Variants in CSMD1 observed in about 807,000 individuals in gnomAD.
CSMD1 encodes CUB and Sushi multiple domains 1.
CSMD1 carries 213 observed loss-of-function variants against 417.5 expected under a neutral mutation model. The ratio of observed to expected loss-of-function variants is 0.51; its 90% CI spans 0.46 to 0.57. The LOEUF is 0.57. CSMD1 is among the 20% of genes least tolerant of loss of function. The probability of loss-of-function intolerance (pLI) is 0.00; values close to 1 mark genes in which losing one functional copy is unlikely to be tolerated. For missense variants in CSMD1, 6,923 were observed against 4,529.7 expected, an observed-to-expected ratio of 1.53 and a Z score of -15.17; for synonymous variants, 2,862 against 1,736.8, an observed-to-expected ratio of 1.65 and a Z score of -16.11.
intron 3 of CSMD1, among the ~76,000 whole-genome samples, chr8:4,151,469 T>G (rs1169867772): frequency 1.3e-5 from 2 of 152,212 alleles, no homozygotes; most frequent in East Asian, 1.9e-4. Flanking sequence ...CACCCATATC[T>G]AGTTTAACAA....
chr8:3,348,762 G>C (rs1372634), intron 21 of CSMD1, among the ~76,000 whole-genome samples: 44,667 of 152,086 alleles, frequency 0.29, 7,051 homozygotes, highest in South Asian at 0.41. Context: ...TGAAGGAAGA[G>C]AAAAATTGAC....
intron 3 of CSMD1, among the ~76,000 whole-genome samples, chr8:4,146,132 C>A (rs187338138): frequency 6.6e-6 from 1 of 150,910 alleles, no homozygotes; most frequent in African/African-American, 2.5e-5. Flanking sequence ...GAATTCAGAG[C>A]CTACATATGA....
chr8:3,626,214 G>T (rs560193554), intron 7 of CSMD1, among the ~76,000 whole-genome samples: 2 of 152,184 alleles, frequency 1.3e-5, no homozygotes, highest in Non-Finnish European at 2.9e-5. Flanking sequence ...GTCACCTGGG[G>T]AGAGCACCGG....
intron 1 of CSMD1, among the ~76,000 whole-genome samples, chr8:4,926,703 A>G (rs1806895452): frequency 6.6e-6 from 1 of 152,146 alleles, no homozygotes; most frequent in Admixed American, 6.5e-5. Context: ...GTCAGTTAAT[A>G]CAAACAAACT....
At chr8:3,296,305 G>C (rs984976592) in intron 25 of CSMD1, among the ~76,000 whole-genome samples, 1 of 151,714 alleles carries the variant, frequency 6.6e-6, no homozygotes, top group Non-Finnish European at 1.5e-5. Context: ...CACGTAAGGG[G>C]CATACCGTCC....
intron 2 of CSMD1, among the ~76,000 whole-genome samples, chr8:4,578,432 G>C (rs1407551781): frequency 1.4e-5 from 2 of 143,364 alleles, no homozygotes; most frequent in African/African-American, 2.6e-5. Context: ...GCCCACCTCA[G>C]CAAGGGACTA....
At chr8:4,080,666 C>A (rs925278541) in intron 3 of CSMD1, among the ~76,000 whole-genome samples, 2 of 152,124 alleles carry the variant, frequency 1.3e-5, no homozygotes, top group African/African-American at 4.8e-5. Context: ...ACAAAAGTAA[C>A]AGAATCACTG....
intron 3 of CSMD1, among the ~76,000 whole-genome samples, chr8:4,184,658 C>T (rs1267835297): frequency 6.6e-6 from 1 of 151,806 alleles, no homozygotes; most frequent in Non-Finnish European, 1.5e-5. Context: ...TAAAGGAAGA[C>T]AGATGGACAC....
rs1399947743 is a variant in CSMD1, at chr8:4,121,133, T to C, written c.416-89034A>G. 3.3e-5 allele frequency among the ~76,000 whole-genome samples: 5 copies of C among 152,060 alleles called. No individual in the cohort carries two copies. The South Asian group carries it at 6.2e-4, about 19-fold the overall frequency. On this transcript the variant is annotated intron_variant, in intron 3 of 69. Coordinates refer to ENST00000635120, the MANE Select transcript of CSMD1 (RefSeq NM_033225.6). ...TTTATTTTTATTTATTATTTATTTT[T>C]GGGCAGAGTCTCACTCTGTTGTCCA...
chr8:4,033,325 C>G (rs1422436715), intron 3 of CSMD1, among the ~76,000 whole-genome samples: 2 of 151,912 alleles, frequency 1.3e-5, no homozygotes. Context: ...ACCTGTAGTC[C>G]CAGCTACTTG....
At chr8:3,641,705 A>T (rs1479923380) in intron 7 of CSMD1, among the ~76,000 whole-genome samples, 2 of 152,194 alleles carry the variant, frequency 1.3e-5, no homozygotes, top group African/African-American at 4.8e-5. Flanking sequence ...AGCTCAGAAC[A>T]GGCTGCAGGC....
chr8:4,916,667 G>C (rs143121137), intron 1 of CSMD1, among the ~76,000 whole-genome samples: 2,888 of 152,236 alleles, frequency 0.019, 40 homozygotes, highest in Non-Finnish European at 0.029. Flanking sequence ...AAAGAGTCTA[G>C]GCATTTTTTT....
At chr8:3,434,242 G>C (rs1028948103) in intron 12 of CSMD1, among the ~76,000 whole-genome samples, 7 of 152,114 alleles carry the variant, frequency 4.6e-5, no homozygotes, top group African/African-American at 1.7e-4. Flanking sequence ...TGTAAGGTAC[G>C]ACTAAATCGT....
chr8:3,064,105 A>G (rs1363110807), intron 49 of CSMD1, among the ~76,000 whole-genome samples: 2 of 152,254 alleles, frequency 1.3e-5, no homozygotes, highest in African/African-American at 4.8e-5. Context: ...AGCAGCAAGC[A>G]CAGCTCAAGC....
chr8:4,880,731 TGATAA>T lies in CSMD1; in HGVS notation c.85+113596_85+113600del, dbSNP rs552142944. 1.8e-3 allele frequency among the ~76,000 whole-genome samples: 273 copies of T among 152,196 alleles called. No individual in the cohort carries two copies. The South Asian group carries it at 0.018, about 10-fold the overall frequency. On this transcript the variant is annotated intron_variant, in intron 1 of 69. Coordinates refer to ENST00000635120, the MANE Select transcript of CSMD1 (RefSeq NM_033225.6). ...TAATCATAAATATCCCACGTGTCCA[TGATAA>T]GATGAGTTGGAACAATCTTTTGCCT...
At chr8:4,297,735 A>G (rs1797763303) in intron 3 of CSMD1, among the ~76,000 whole-genome samples, 1 of 152,148 alleles carries the variant, frequency 6.6e-6, no homozygotes, top group Non-Finnish European at 1.5e-5. Context: ...AGATCATTCA[A>G]TGGCACCACT....
At chr8:3,673,742 T>C (rs1273265779) in intron 7 of CSMD1, among the ~76,000 whole-genome samples, 4 of 152,192 alleles carry the variant, frequency 2.6e-5, no homozygotes, top group East Asian at 1.9e-4. Flanking sequence ...CACGAAACTA[T>C]TGGAGCTATT....
rs77418419 is a variant in CSMD1 at position 3,046,231 on chromosome 8, C to A, written c.7660+6231G>T. Among the ~76,000 whole-genome samples, 1,293 of 152,222 alleles carry A rather than the reference C, an allele frequency of 8.5e-3. 6 individuals are homozygous for A. The highest frequency in any genetic ancestry group is 0.02 in the Middle Eastern group (6 of 294). The stretch of plus-strand genomic sequence containing the variant: ...GAGGTGAGGCAGCGGGGGTTTCAGG[C>A]GCTCAGGTGGTGACCTGGGTGGTGC... On this transcript the variant is annotated intron_variant, in intron 50 of 69. Transcript: ENST00000635120.
At chr8:4,371,970 C>G (rs905109336) in intron 3 of CSMD1, among the ~76,000 whole-genome samples, 2 of 152,092 alleles carry the variant, frequency 1.3e-5, no homozygotes, top group African/African-American at 4.8e-5. Flanking sequence ...AACTCATTGC[C>G]GTGATGGAAA....
Sources: gnomAD v4.1 joint callset for allele counts (sites outside exome capture counted in the v4.1 genomes callset) on GRCh38, gnomAD v4.1.1 for gene constraint, MANE v1.5 for transcripts, NCBI Gene and HGNC (gene_info 2026-07-23, HGNC 2026-07-21) for gene names.